Variants in CERT1 observed in about 807,000 individuals in gnomAD.
The protein encoded by CERT1 is ceramide transfer protein.
In CERT1, 31 loss-of-function variants were observed where a neutral mutation model predicts 87.9. The observed-to-expected ratio is 0.35, with a 90% CI of 0.27 to 0.48. The LOEUF (loss-of-function observed/expected upper bound fraction) is 0.48, where lower values mean the gene tolerates loss of function less well. Ranked by LOEUF, CERT1 falls within the 20% of genes least tolerant of loss-of-function variation. The probability of loss-of-function intolerance (pLI) is 0.99; values close to 1 mark genes in which losing one functional copy is unlikely to be tolerated. For synonymous variants in CERT1, 289 were observed against 250.9 expected (o/e 1.15, Z -1.44); for missense variants, 487 against 758.0 (o/e 0.64, Z 4.20).
chr5:75,490,052 T>C (rs527533941), intron 2 of CERT1, among the ~76,000 whole-genome samples: 32 of 152,322 alleles, frequency 2.1e-4, no homozygotes, highest in Non-Finnish European at 3.8e-4. Context: ...TGTAGGGACA[T>C]GGATGAACGT....
In CERT1 at chr5:75,399,269, C is replaced by T. The variant is rs541439441; in HGVS notation, c.1188+41G>A. On this transcript the variant is annotated intron_variant, in intron 11 of 16. Transcript: ENST00000643780. Reference sequence around the variant, plus strand: ...ACTGGGAAAGCAGGCTGAAATATAGCACAGAAAGACTCAAGTCCACTCTAT... The same window carrying T: ...ACTGGGAAAGCAGGCTGAAATATAGTACAGAAAGACTCAAGTCCACTCTAT... 13 of 1,425,664 alleles carry T rather than the reference C, an allele frequency of 9.1e-6. No individual in the cohort carries two copies. In the African/African-American group the frequency reaches 1.7e-4, roughly 19 times the overall value. 88.3% of individuals were successfully genotyped at this position (1,425,664 alleles called of 1,614,324 possible). A position where few individuals can be genotyped will look rare whatever the true frequency, so the allele number is the denominator to read the frequency against.
At chr5:75,374,524 T>C, downstream of CERT1, 1 of 719,590 alleles carries the variant, frequency 1.4e-6, no homozygotes, top group South Asian at 1.4e-5. Context: ...GTGCAGCCTG[T>C]TTGCTGCACG....
chr5:75,409,377 A>C (rs1221541896), intron 8 of CERT1, among the ~76,000 whole-genome samples: 1 of 152,240 alleles, frequency 6.6e-6, no homozygotes, highest in Non-Finnish European at 1.5e-5. Flanking sequence ...CAGCAACAGC[A>C]GAGCAGCTGT....
rs187842750 is a variant in CERT1, at chr5:75,490,560, G to A, written c.231+15422C>T. The stretch of plus-strand genomic sequence containing the variant: ...GTCGCCCAGGCTGGAGTGCAGTGGC[G>A]CGATCTCGGCTCACTGCAAGCTCCG... On this transcript the variant is annotated intron_variant, in intron 2 of 16. Transcript: ENST00000643780. Among the ~76,000 whole-genome samples, 4 of 151,640 alleles carry A rather than the reference G, an allele frequency of 2.6e-5. 1 individual carries two copies. The East Asian group carries it at 5.8e-4, about 22-fold the overall frequency.
chr5:75,396,896 T>A (rs562235219), intron 11 of CERT1, among the ~76,000 whole-genome samples: 1 of 152,326 alleles, frequency 6.6e-6, no homozygotes, highest in South Asian at 2.1e-4. Flanking sequence ...GTCACTACTA[T>A]AATTTTACAC....
At chr5:75,498,898 C>G (rs1767205843) in intron 2 of CERT1, among the ~76,000 whole-genome samples, 2 of 152,210 alleles carry the variant, frequency 1.3e-5, no homozygotes, top group African/African-American at 4.8e-5. Context: ...AAGCTGTAGA[C>G]ACTCAATGCT....
chr5:75,420,516 TG>T (rs1443296252), intron 5 of CERT1, among the ~76,000 whole-genome samples: 2 of 152,056 alleles, frequency 1.3e-5, no homozygotes, highest in Admixed American at 6.5e-5. Flanking sequence ...GCTAATTTTT[TG>T]TATTTTTAGT....
intron 13 of CERT1, 80 bp from the exon 14 acceptor site, chr5:75,384,792 C>T (rs1005038988): frequency 4.6e-5 from 41 of 890,858 alleles, no homozygotes; most frequent in African/African-American, 4.3e-4. Context: ...AAGTCAAGTA[C>T]GAATGGACAG....
chr5:75,411,993 T>C (rs1001145197), intron 7 of CERT1, among the ~76,000 whole-genome samples: 3 of 151,948 alleles, frequency 2.0e-5, no homozygotes, highest in African/African-American at 4.8e-5. Context: ...ATAGGGCCTA[T>C]AGCTCTAAAA....
At chr5:75,469,390 G>T (rs1158814858) in intron 2 of CERT1, among the ~76,000 whole-genome samples, 1 of 152,054 alleles carries the variant, frequency 6.6e-6, no homozygotes, top group African/African-American at 2.4e-5. Flanking sequence ...AGGTAGAAAG[G>T]TTATTCAAAG....
chr5:75,385,845 G>A, intron 13 of CERT1, 57 bp downstream of exon 13: 4 of 1,259,328 alleles, frequency 3.2e-6, no homozygotes, highest in Non-Finnish European at 4.1e-6. Context: ...AAACTAGGTT[G>A]GATTTGATAT....
intron 8 of CERT1, among the ~76,000 whole-genome samples, chr5:75,406,968 AAG>A (rs1762730408): frequency 6.6e-6 from 1 of 152,158 alleles, no homozygotes; most frequent in South Asian, 2.1e-4. Context: ...TATAACCAAA[AAG>A]AGTCATAGTT....
chr5:75,474,019 C>T (rs922671812), intron 2 of CERT1, among the ~76,000 whole-genome samples: 11 of 152,204 alleles, frequency 7.2e-5, no homozygotes, highest in African/African-American at 2.7e-4. Context: ...AAACCAAAGA[C>T]AGGCAGCCCG....
At chr5:75,404,921 T>C (rs1762644686) in intron 8 of CERT1, among the ~76,000 whole-genome samples, 1 of 151,982 alleles carries the variant, frequency 6.6e-6, no homozygotes, top group East Asian at 1.9e-4. Flanking sequence ...GCACAATAAT[T>C]GCTTGAACCT....
intron 2 of CERT1, among the ~76,000 whole-genome samples, chr5:75,463,578 A>G (rs1765330004): frequency 6.6e-6 from 1 of 152,230 alleles, no homozygotes; most frequent in South Asian, 2.1e-4. Context: ...CCAAAAGAAA[A>G]AGAAAAAACT....
At chr5:75,446,664 T>C (rs1351983307) in intron 3 of CERT1, among the ~76,000 whole-genome samples, 4 of 152,196 alleles carry the variant, frequency 2.6e-5, no homozygotes, top group African/African-American at 9.6e-5. Flanking sequence ...TTATTTGTTA[T>C]TGTTATTTTT....
intron 2 of CERT1, among the ~76,000 whole-genome samples, chr5:75,488,330 CATA>C (rs1454447070): frequency 1.8e-4 from 28 of 151,964 alleles, no homozygotes; most frequent in Non-Finnish European, 2.5e-4. Context: ...ACTATGTACT[CATA>C]ATATTTTTTT....
chr5:75,500,947 GA>G (rs1408592670), intron 2 of CERT1, among the ~76,000 whole-genome samples: 1 of 150,658 alleles, frequency 6.6e-6, no homozygotes, highest in Non-Finnish European at 1.5e-5. Context: ...CTTCAATTTT[GA>G]ACACTTCCTT....
At chr5:75,474,236 G>A (rs370880224) in intron 2 of CERT1, among the ~76,000 whole-genome samples, 6 of 152,044 alleles carry the variant, frequency 3.9e-5, no homozygotes, top group Non-Finnish European at 7.3e-5. Context: ...AATCAATCAC[G>A]ACCCTTTCAT....
Sources: gnomAD v4.1 joint callset for allele counts (sites outside exome capture counted in the v4.1 genomes callset) on GRCh38, gnomAD v4.1.1 for gene constraint, MANE v1.5 for transcripts, NCBI Gene and HGNC (gene_info 2026-07-23, HGNC 2026-07-21) for gene names.